KSR2: variants seen among roughly 807,000 people sequenced by gnomAD.
KSR2 encodes kinase suppressor of ras 2.
In KSR2, 25 loss-of-function variants were observed where a neutral mutation model predicts 107.8. That is an observed-to-expected ratio of 0.23 (90% confidence interval 0.17 to 0.32). The LOEUF is 0.32. KSR2 is among the 10% of genes least tolerant of loss of function. KSR2 has a pLI of 1.00. For missense variants in KSR2, 887 were observed against 1,268.9 expected (o/e 0.70, Z 4.57); for synonymous variants, 480 against 507.0 (o/e 0.95, Z 0.71).
intron 4 of KSR2, among the ~76,000 whole-genome samples, chr12:117,722,811 C>A (rs1278269535): frequency 6.6e-6 from 1 of 152,188 alleles, no homozygotes; most frequent in African/African-American, 2.4e-5. Context: ...GATCTAAGAA[C>A]CCTCTCTTGG....
Position 117,911,157 on chromosome 12 carries a change from T to TTCTC in KSR2, c.181-50730_181-50727dup, listed in dbSNP as rs113047651. Among the ~76,000 whole-genome samples, 1,125 of 144,344 alleles carry TTCTC rather than the reference T, an allele frequency of 7.8e-3. 11 individuals are homozygous for TTCTC. The highest frequency in any genetic ancestry group is 0.022 in the African/African-American group (835 of 37,754). The allele number at this position is 144,344 out of a possible 152,430, so 94.7% of individuals were successfully genotyped here. On this transcript the variant is annotated intron_variant, in intron 1 of 19. Transcript: ENST00000339824. ...TCCCTCTCTCACTTGCACACATTCT[T>TTCTC]TCTCTCTCTCTCTCTCTCACACACA...
At chr12:117,899,399 G>A (rs1344690251) in intron 1 of KSR2, among the ~76,000 whole-genome samples, 9 of 151,992 alleles carry the variant, frequency 5.9e-5, no homozygotes, top group Admixed American at 2.6e-4. Context: ...AGGCTGAGGC[G>A]GGAGGATCAC....
chr12:117,777,402 T>G (rs924947581), intron 3 of KSR2, among the ~76,000 whole-genome samples: 6 of 151,982 alleles, frequency 3.9e-5, no homozygotes, highest in Admixed American at 6.6e-5. Flanking sequence ...TGTGAAAAAC[T>G]TAGCATTCAG....
At chr12:117,698,035 C>A in intron 4 of KSR2, among the ~76,000 whole-genome samples, 1 of 151,904 alleles carries the variant, frequency 6.6e-6, no homozygotes, top group East Asian at 1.9e-4. Flanking sequence ...TTCTAGAGGC[C>A]GAAGAACACC....
chr12:117,531,591 C>T, intron 11 of KSR2, 75 bp downstream of exon 11: 1 of 1,302,726 alleles, frequency 7.7e-7, no homozygotes, highest in African/African-American at 1.5e-5. Context: ...CATCTGCCTC[C>T]ATTCATCCCA....
intron 4 of KSR2, among the ~76,000 whole-genome samples, chr12:117,670,620 C>G (rs1354503942): frequency 6.6e-6 from 1 of 152,204 alleles, no homozygotes; most frequent in Non-Finnish European, 1.5e-5. Flanking sequence ...TAAATCTTCA[C>G]TTTTGCTTCA....
chr12:117,621,634 C>T (rs1949380), intron 5 of KSR2, among the ~76,000 whole-genome samples: 138,375 of 152,180 alleles, frequency 0.91, 63,173 homozygotes, highest in East Asian at 0.99. Context: ...ACACAGACCT[C>T]CTCTTGTAAT....
Position 117,869,259 on chromosome 12 carries a change from C to A in KSR2, c.181-8828G>T, listed in dbSNP as rs147493337. Among the ~76,000 whole-genome samples, 18 of 152,192 alleles carry A rather than the reference C, an allele frequency of 1.2e-4. No individual in the cohort carries two copies. The East Asian group carries it at 3.5e-3, about 30-fold the overall frequency. On this transcript the variant is annotated intron_variant, in intron 1 of 19. Coordinates refer to ENST00000339824, the MANE Select transcript of KSR2 (RefSeq NM_173598.6). The stretch of plus-strand genomic sequence containing the variant: ...TGGTGGCGGGCGCCTATAATCCCAG[C>A]TACTCAGGAGCCTGAGGTGGGACAA...
chr12:117,640,885 C>A (rs991628892), intron 5 of KSR2, among the ~76,000 whole-genome samples: 2 of 152,160 alleles, frequency 1.3e-5, no homozygotes, highest in Non-Finnish European at 2.9e-5. Context: ...TCACTTCCCC[C>A]CAAAAGCACC....
In KSR2 at chr12:117,826,529, C is replaced by A. The variant is rs552482994; in HGVS notation, c.472+28899G>T. Among the ~76,000 whole-genome samples, 10 of 151,890 alleles carry A rather than the reference C, an allele frequency of 6.6e-5. No individual in the cohort carries two copies. In the East Asian group the frequency reaches 7.8e-4, roughly 12 times the overall value. ...TAATAGGAGAACAAACAAAAAAAAA[C>A]CATTTAAAATACACTGCTTCTTAGA... On this transcript the variant is annotated intron_variant, in intron 3 of 19. Transcript: ENST00000339824.
intron 14 of KSR2, among the ~76,000 whole-genome samples, chr12:117,501,685 G>A (rs779838634): frequency 5.3e-5 from 8 of 152,170 alleles, no homozygotes; most frequent in East Asian, 3.8e-4. Flanking sequence ...ACTTGAACTC[G>A]GGCCAGTGCA....
At chr12:117,718,591 G>C (rs1222252048) in intron 4 of KSR2, among the ~76,000 whole-genome samples, 1 of 152,190 alleles carries the variant, frequency 6.6e-6, no homozygotes, top group Non-Finnish European at 1.5e-5. Flanking sequence ...GGCAGATGGG[G>C]AAACTGAGGC....
At chr12:117,915,685 G>A (rs1566080322) in intron 1 of KSR2, among the ~76,000 whole-genome samples, 1 of 152,066 alleles carries the variant, frequency 6.6e-6, no homozygotes, top group Non-Finnish European at 1.5e-5. Context: ...AAAAACTTCG[G>A]CTCGAGATAT....
At chr12:117,654,110 C>T (rs1884019743) in intron 5 of KSR2, among the ~76,000 whole-genome samples, 2 of 152,204 alleles carry the variant, frequency 1.3e-5, no homozygotes. Context: ...TTGGTGGAAA[C>T]TGTACATTTG....
rs147858305 is a variant in KSR2 at position 117,525,228 on chromosome 12, G to A, written c.1852-9C>T. The A allele has an allele frequency of 4.0e-4, 624 of 1,577,606 alleles. 2 individuals carry two copies. In the African/African-American group the frequency reaches 7.2e-3, roughly 18 times the overall value. On this transcript the variant is annotated splice_polypyrimidine_tract_variant and intron_variant, in intron 13 of 19. Transcript: ENST00000339824. ...TCATGGACCTCTTCATTCTGTGGCC[G>A]GAGTGGGAGAGAGGTCAGAATTGTG...
intron 3 of KSR2, among the ~76,000 whole-genome samples, chr12:117,827,941 C>T (rs1041923410): frequency 1.3e-5 from 2 of 152,194 alleles, no homozygotes; most frequent in African/African-American, 4.8e-5. Context: ...TTATGTATGA[C>T]CCTTCCACAA....
rs576763158 is a variant in KSR2 at position 117,888,988 on chromosome 12, T to C, written c.181-28557A>G. Among the ~76,000 whole-genome samples, 15 of 152,308 alleles carry C rather than the reference T, an allele frequency of 9.8e-5. No individual in the cohort carries two copies. The South Asian group carries it at 3.1e-3, about 32-fold the overall frequency. ...TTAAAATGGTAAACATTATGTTACG[T>C]ATAATTTACCACAATATTTAAAAAT... On this transcript the variant is annotated intron_variant, in intron 1 of 19. Transcript: ENST00000339824.
At chr12:117,869,798 C>A (rs143046539) in intron 1 of KSR2, among the ~76,000 whole-genome samples, 1 of 152,270 alleles carries the variant, frequency 6.6e-6, no homozygotes, top group African/African-American at 2.4e-5. Flanking sequence ...CCTTTGTCAA[C>A]GACAATAAAG....
chr12:117,579,001 A>AAGCAAAC, intron 7 of KSR2, 118 bp downstream of exon 7: 1 of 759,732 alleles, frequency 1.3e-6, no homozygotes, highest in Non-Finnish European at 2.3e-6. Flanking sequence ...CTGAAAAACA[A>AAGCAAAC]AGCAAACAAC....
Sources: gnomAD v4.1 joint callset for allele counts (sites outside exome capture counted in the v4.1 genomes callset) on GRCh38, gnomAD v4.1.1 for gene constraint, MANE v1.5 for transcripts, NCBI Gene and HGNC (gene_info 2026-07-23, HGNC 2026-07-21) for gene names.